The following CERK variants were observed in gnomAD, a reference collection of about 807,000 sequenced individuals.
CERK encodes ceramide kinase, also known as acylsphingosine kinase.
Under a neutral mutation model 63.4 loss-of-function variants are expected in CERK, and 39 were observed. The observed-to-expected ratio is 0.61, with a 90% confidence interval of 0.48 to 0.80. CERK has a LOEUF of 0.80. Ranked by LOEUF, CERK falls within the 30% of genes least tolerant of loss-of-function variation. CERK has a pLI of 0.00. For missense variants in CERK, 670 were observed against 714.1 expected (o/e 0.94, Z 0.70); for synonymous variants, 302 against 280.0 (o/e 1.08, Z -0.78).
rs1308257435 is a variant in CERK at position 46,684,742 on chromosome 22, G to A, written c.*2392C>T. 2 of 152,130 alleles carry A rather than the reference G, an allele frequency of 1.3e-5. No homozygotes were observed. Among genetic ancestry groups the A allele is most frequent in the African/African-American group, 2.4e-5 (1 of 41,420 alleles). The allele number at this position is 152,130 out of a possible 1,614,324, so 9.4% of individuals were successfully genotyped here. On this transcript the variant is annotated 3_prime_UTR_variant, in exon 13 of 13. Transcript: ENST00000216264. ...TTTCCCTTAAAACTCTAAAGTACAG[G>A]TGTTGTATGTCTGCCGCATCTGAAA... is the stretch of plus-strand genomic sequence containing the variant.
chr22:46,717,550 T>C (rs2082872405), intron 3 of CERK, among the ~76,000 whole-genome samples: 1 of 152,258 alleles, frequency 6.6e-6, no homozygotes, highest in African/African-American at 2.4e-5. Context: ...AAGTGTCATG[T>C]TGAGCCGAGA....
chr22:46,687,760 G>C (rs1026256904), intron 12 of CERK, among the ~76,000 whole-genome samples: 1 of 152,196 alleles, frequency 6.6e-6, no homozygotes. Context: ...GTCCCTGGAG[G>C]TCCCCTGCCC....
At chr22:46,726,016 C>T (rs914566678) in intron 1 of CERK, among the ~76,000 whole-genome samples, 11 of 152,230 alleles carry the variant, frequency 7.2e-5, no homozygotes, top group East Asian at 3.8e-4. Context: ...TAGAAGTTCC[C>T]GGATTAAACT....
At chr22:46,725,065 T>C (rs1401988072) in intron 1 of CERK, among the ~76,000 whole-genome samples, 1 of 151,490 alleles carries the variant, frequency 6.6e-6, no homozygotes, top group Non-Finnish European at 1.5e-5. Context: ...ATGGAGGCTC[T>C]GCCTCCTTCC....
chr22:46,725,445 G>C lies in CERK; in HGVS notation c.143-4430C>G, dbSNP rs80194509. Among the ~76,000 whole-genome samples, 200 of 152,218 alleles carry C rather than the reference G, an allele frequency of 1.3e-3. 2 individuals carry two copies. In the East Asian group the frequency reaches 0.032, roughly 24 times the overall value. On this transcript the variant is annotated intron_variant, in intron 1 of 12. Transcript: ENST00000216264. ...AGAAGCAGAAGGAACTGCCCTCTGA[G>C]GGTTAGTCTCAAATTGCCGGCACCA...
intron 1 of CERK, among the ~76,000 whole-genome samples, chr22:46,727,592 G>T (rs1226383325): frequency 1.3e-5 from 2 of 152,050 alleles, no homozygotes; most frequent in African/African-American, 4.8e-5. Context: ...ACTGTGCCCA[G>T]TCTTCTTAGT....
intron 1 of CERK, among the ~76,000 whole-genome samples, chr22:46,733,448 C>T (rs935718415): frequency 2.6e-5 from 4 of 151,046 alleles, no homozygotes; most frequent in Non-Finnish European, 4.4e-5. Flanking sequence ...CGCACGCCAA[C>T]ATGCCTGGCT....
At position 46,684,862 on chromosome 22, in the gene CERK, GACACACGGTACCGCA is replaced by G. The variant is rs556460896; in HGVS notation, c.*2257_*2271del. 3.0e-4 allele frequency: 45 copies of G among 152,334 alleles called. No individual in the cohort carries two copies. The highest frequency in any genetic ancestry group is 9.1e-4 in the African/African-American group (38 of 41,566). The allele number at this position is 152,334 out of a possible 1,614,324, so 9.4% of individuals were successfully genotyped here. A position where few individuals can be genotyped will look rare whatever the true frequency, so the allele number is the denominator to read the frequency against. On this transcript the variant is annotated 3_prime_UTR_variant, in exon 13 of 13. Transcript: ENST00000216264. ...AGCAAAGGGCTGCTGGCAGGTGTCA[GACACACGGTACCGCA>G]ACAGCAGTCCCGAGGTCTGAGATTC...
intron 6 of CERK, among the ~76,000 whole-genome samples, chr22:46,704,564 C>G (rs527456432): frequency 6.6e-6 from 1 of 152,074 alleles, no homozygotes; most frequent in African/African-American, 2.4e-5. Flanking sequence ...TGGTGGCTCA[C>G]GTCTATAATC....
At chr22:46,721,255 C>G (rs910267882) in intron 1 of CERK, among the ~76,000 whole-genome samples, 1 of 151,936 alleles carries the variant, frequency 6.6e-6, no homozygotes, top group Non-Finnish European at 1.5e-5. Context: ...CTGGCAACAG[C>G]ACAAGACCCC....
intron 1 of CERK, among the ~76,000 whole-genome samples, chr22:46,736,333 C>T (rs988494235): frequency 6.6e-6 from 1 of 152,248 alleles, no homozygotes. Context: ...AAGGGTCTGG[C>T]GTCTCTGCGG....
At chr22:46,729,370 A>G (rs1231000957) in intron 1 of CERK, among the ~76,000 whole-genome samples, 1 of 152,170 alleles carries the variant, frequency 6.6e-6, no homozygotes, top group African/African-American at 2.4e-5. Context: ...AAATTAATTA[A>G]TTTAATTAAA....
At chr22:46,697,610 A>G (rs1056133778) in intron 8 of CERK, among the ~76,000 whole-genome samples, 17 of 151,946 alleles carry the variant, frequency 1.1e-4, no homozygotes, top group Middle Eastern at 6.8e-3. Flanking sequence ...GGTTCAAGCA[A>G]TTCTCCTGCC....
chr22:46,733,989 C>A (rs2082959321), intron 1 of CERK, among the ~76,000 whole-genome samples: 1 of 151,708 alleles, frequency 6.6e-6, no homozygotes, highest in African/African-American at 2.4e-5. Flanking sequence ...TGAGCCGAGA[C>A]CTTGCCACTT....
chr22:46,699,799 C>T (rs1233211121), intron 7 of CERK, among the ~76,000 whole-genome samples: 1 of 152,182 alleles, frequency 6.6e-6, no homozygotes, highest in Non-Finnish European at 1.5e-5. Flanking sequence ...TTTTAAAATA[C>T]AAAATCAAGC....
At chr22:46,716,184 C>T (rs988979476) in intron 3 of CERK, among the ~76,000 whole-genome samples, 33 of 149,642 alleles carry the variant, frequency 2.2e-4, no homozygotes, top group Non-Finnish European at 3.5e-4. Flanking sequence ...AACAAGACCT[C>T]ATCTCCCTTT....
At chr22:46,733,187 C>T (rs2082954443) in intron 1 of CERK, among the ~76,000 whole-genome samples, 1 of 118,880 alleles carries the variant, frequency 8.4e-6, no homozygotes, top group African/African-American at 3.2e-5. Context: ...CAGCCCTGGG[C>T]GACAGAGTGG....
chr22:46,710,308 C>T (rs1325247379), intron 5 of CERK, among the ~76,000 whole-genome samples: 1 of 151,932 alleles, frequency 6.6e-6, no homozygotes, highest in Non-Finnish European at 1.5e-5. Flanking sequence ...GTGTTGGGCA[C>T]CTATAATCCC....
intron 5 of CERK, 113 bp from the exon 6 acceptor site, chr22:46,708,101 G>A (rs1343945660): frequency 2.4e-6 from 3 of 1,249,776 alleles, no homozygotes; most frequent in East Asian, 5.0e-5. Context: ...CCCTTGGCAG[G>A]CATCTAGAAG....
Sources: gnomAD v4.1 joint callset for allele counts (sites outside exome capture counted in the v4.1 genomes callset) on GRCh38, gnomAD v4.1.1 for gene constraint, MANE v1.5 for transcripts, NCBI Gene and HGNC (gene_info 2026-07-23, HGNC 2026-07-21) for gene names.